RBFOX1: variants seen among roughly 807,000 people sequenced by gnomAD.
The protein encoded by RBFOX1 is RNA binding protein fox-1 homolog 1.
RBFOX1 carries 8 observed loss-of-function variants against 57.7 expected under a neutral mutation model. The ratio of observed to expected loss-of-function variants is 0.14; its 90% confidence interval spans 0.08 to 0.25. The LOEUF is 0.25. Ranked by LOEUF, RBFOX1 falls within the 10% of genes least tolerant of loss-of-function variation. RBFOX1 has a pLI of 1.00. For synonymous variants in RBFOX1, 326 were observed against 222.4 expected (o/e 1.47, Z -4.15); for missense variants, 611 against 548.5 (o/e 1.11, Z -1.14).
chr16:6,857,433 A>G (rs1433222774), intron 3 of RBFOX1, among the ~76,000 whole-genome samples: 3 of 152,152 alleles, frequency 2.0e-5, no homozygotes, highest in Non-Finnish European at 4.4e-5. Context: ...ACGCCAGCTG[A>G]AAGAGTTAAG....
chr16:5,664,089 T>C (rs1435668971), intron 3 of RBFOX1, among the ~76,000 whole-genome samples: 1 of 152,234 alleles, frequency 6.6e-6, no homozygotes, highest in African/African-American at 2.4e-5. Flanking sequence ...TCTCGGCAGC[T>C]GCCTCTAGGC....
chr16:7,074,632 A>C (rs1207244540), intron 4 of RBFOX1, among the ~76,000 whole-genome samples: 1 of 152,222 alleles, frequency 6.6e-6, no homozygotes, highest in African/African-American at 2.4e-5. Context: ...TGGAGAGAAG[A>C]GACAGACAAT....
At chr16:5,702,999 G>A (rs987368596) in intron 3 of RBFOX1, among the ~76,000 whole-genome samples, 2 of 152,130 alleles carry the variant, frequency 1.3e-5, no homozygotes, top group Non-Finnish European at 2.9e-5. Flanking sequence ...GTCTCTTAAA[G>A]CTTCCTTTCC....
intron 2 of RBFOX1, among the ~76,000 whole-genome samples, chr16:6,341,171 G>T (rs1027821764): frequency 6.6e-6 from 1 of 152,182 alleles, no homozygotes; most frequent in African/African-American, 2.4e-5. Context: ...TAAAATCAAG[G>T]TGTCAATGGG....
chr16:5,989,651 A>T (rs545756591), intron 4 of RBFOX1, among the ~76,000 whole-genome samples: 1 of 151,906 alleles, frequency 6.6e-6, no homozygotes, highest in African/African-American at 2.4e-5. Context: ...CCTCCAATCA[A>T]TAAAGGGCGG....
intron 1 of RBFOX1, among the ~76,000 whole-genome samples, chr16:6,183,845 G>A (rs1028461279): frequency 6.6e-6 from 1 of 152,166 alleles, no homozygotes; most frequent in African/African-American, 2.4e-5. Context: ...GGAGCATGTA[G>A]GGCTTTGAAG....
At chr16:6,484,889 G>A (rs1313793743) in intron 2 of RBFOX1, among the ~76,000 whole-genome samples, 2 of 152,226 alleles carry the variant, frequency 1.3e-5, no homozygotes, top group East Asian at 1.9e-4. Flanking sequence ...AATGAATGCG[G>A]TTTATTGCTG....
At chr16:7,333,010 G>T (rs771567004) in intron 4 of RBFOX1, 2 of 1,613,622 alleles carry the variant, frequency 1.2e-6, no homozygotes. Context: ...GCATGCTGGC[G>T]TCTCAAGGAG....
At chr16:5,633,979 A>G (rs757293697) in intron 3 of RBFOX1, among the ~76,000 whole-genome samples, 5 of 152,328 alleles carry the variant, frequency 3.3e-5, no homozygotes, top group South Asian at 2.1e-4. Flanking sequence ...TTGAAGGCCA[A>G]TTGTGAGCTG....
chr16:6,672,097 T>C (rs746854931), intron 3 of RBFOX1, among the ~76,000 whole-genome samples: 1 of 152,228 alleles, frequency 6.6e-6, no homozygotes, highest in African/African-American at 2.4e-5. Context: ...TCAAAGACCG[T>C]AGGTCCATCT....
chr16:7,349,223 T>C (rs2097080903), intron 4 of RBFOX1, among the ~76,000 whole-genome samples: 1 of 152,180 alleles, frequency 6.6e-6, no homozygotes, highest in African/African-American at 2.4e-5. Flanking sequence ...GAGATCAAGA[T>C]ATCTTCCTGG....
At chr16:5,793,513 G>T (rs2054773694) in intron 3 of RBFOX1, among the ~76,000 whole-genome samples, 1 of 152,232 alleles carries the variant, frequency 6.6e-6, no homozygotes, top group Non-Finnish European at 1.5e-5. Context: ...TCCTGAATCA[G>T]AGGTGTTGGC....
At chr16:5,991,400 C>T (rs1567229087) in intron 4 of RBFOX1, among the ~76,000 whole-genome samples, 1 of 152,132 alleles carries the variant, frequency 6.6e-6, no homozygotes, top group Non-Finnish European at 1.5e-5. Context: ...GGGCTGTGAG[C>T]ACGTAGAAGG....
At chr16:7,520,840 A>C (rs2077371396) in intron 5 of RBFOX1, among the ~76,000 whole-genome samples, 1 of 152,236 alleles carries the variant, frequency 6.6e-6, no homozygotes, top group African/African-American at 2.4e-5. Context: ...ATCCAATCAG[A>C]CATTATTTAT....
chr16:6,069,903 C>G (rs1037711526), intron 1 of RBFOX1, among the ~76,000 whole-genome samples: 6 of 152,106 alleles, frequency 3.9e-5, no homozygotes, highest in African/African-American at 1.2e-4. Flanking sequence ...AGGAGAATCA[C>G]TTGAACCCAG....
chr16:5,454,940 TTC>T (rs2068567211), intron 1 of RBFOX1, among the ~76,000 whole-genome samples: 1 of 50,368 alleles, frequency 2.0e-5, no homozygotes, highest in Non-Finnish European at 4.0e-5. Context: ...CCTTCCTTCC[TTC>T]CTTCCTTCCT....
At chr16:5,864,832 A>T (rs2057309425) in intron 3 of RBFOX1, among the ~76,000 whole-genome samples, 1 of 152,130 alleles carries the variant, frequency 6.6e-6, no homozygotes, top group East Asian at 1.9e-4. Context: ...GTGGGCAATC[A>T]TTAGTTACCC....
At chr16:6,439,063 A>G (rs925861408) in intron 2 of RBFOX1, among the ~76,000 whole-genome samples, 6 of 152,150 alleles carry the variant, frequency 3.9e-5, no homozygotes, top group African/African-American at 1.4e-4. Context: ...TTGAAAATCA[A>G]TCTAGCCTGT....
chr16:6,295,424 C>T (rs765237573), intron 1 of RBFOX1, among the ~76,000 whole-genome samples: 2 of 152,162 alleles, frequency 1.3e-5, no homozygotes, highest in South Asian at 4.2e-4. Flanking sequence ...GTGCCTGGCC[C>T]CTTAAGTGTG....
Sources: gnomAD v4.1 joint callset for allele counts (sites outside exome capture counted in the v4.1 genomes callset) on GRCh38, gnomAD v4.1.1 for gene constraint, MANE v1.5 for transcripts, NCBI Gene and HGNC (gene_info 2026-07-23, HGNC 2026-07-21) for gene names.